NFIB: variants seen among roughly 807,000 people sequenced by gnomAD.
NFIB encodes nuclear factor 1 B-type.
A neutral mutation model predicts 61.5 loss-of-function variants in NFIB; 11 were observed. That is an observed-to-expected ratio of 0.18 (90% CI 0.11 to 0.30). The LOEUF is 0.30. Ranked by LOEUF, NFIB falls within the 10% of genes least tolerant of loss-of-function variation. The pLI is 1.00. For synonymous variants in NFIB, 260 were observed against 216.5 expected, an observed-to-expected ratio of 1.20 and a Z score of -1.76; for missense variants, 471 against 608.9, an observed-to-expected ratio of 0.77 and a Z score of 2.38.
intron 1 of NFIB, among the ~76,000 whole-genome samples, chr9:14,386,166 A>G (rs1466814050): frequency 6.6e-6 from 1 of 152,190 alleles, no homozygotes; most frequent in Non-Finnish European, 1.5e-5. Context: ...TTTTGAGTAT[A>G]TATTACATAC....
chr9:14,131,300 C>G (rs1425787984), intron 6 of NFIB, among the ~76,000 whole-genome samples: 1 of 152,052 alleles, frequency 6.6e-6, no homozygotes, highest in Non-Finnish European at 1.5e-5. Context: ...CTTAAGCATC[C>G]CTTTAAATAA....
chr9:14,112,872 G>T (rs1248383394), intron 10 of NFIB, 127 bp downstream of exon 10: 2 of 734,132 alleles, frequency 2.7e-6, no homozygotes, highest in East Asian at 2.8e-5. Context: ...TCTGGGAAAT[G>T]AAATGATCAG....
intron 5 of NFIB, among the ~76,000 whole-genome samples, chr9:14,147,456 A>C (rs2042388574): frequency 6.6e-6 from 1 of 152,038 alleles, no homozygotes; most frequent in African/African-American, 2.4e-5. Flanking sequence ...CTTATCAAAT[A>C]GTAATTCTTA....
the NFIB span, among the ~76,000 whole-genome samples, chr9:14,417,318 G>T: frequency 4.6e-5 from 7 of 152,272 alleles, no homozygotes; most frequent in Non-Finnish European, 2.9e-5. Context: ...GTACAGGTTT[G>T]CTGCCTAGGA....
At chr9:14,099,260 T>G (rs117609514) in intron 10 of NFIB, among the ~76,000 whole-genome samples, 1 of 152,190 alleles carries the variant, frequency 6.6e-6, no homozygotes, top group Non-Finnish European at 1.5e-5. Context: ...ACCTGTGATA[T>G]TTTATTTATT....
At chr9:14,422,291 T>C in the NFIB span, among the ~76,000 whole-genome samples, 7 of 152,294 alleles carry the variant, frequency 4.6e-5, no homozygotes, top group Non-Finnish European at 7.4e-5. Flanking sequence ...CTTTTACTTG[T>C]AGAACACTGA....
rs563380604 is a variant in NFIB at position 14,187,164 on chromosome 9, T to G, written c.563-7384A>C. Among the ~76,000 whole-genome samples the G allele has an allele frequency of 2.8e-3, 416 of 150,584 alleles. 3 individuals are homozygous for G. Among genetic ancestry groups the G allele is most frequent in the African/African-American group, 9.2e-3 (367 of 40,078 alleles). On this transcript the variant is annotated intron_variant, in intron 2 of 10. Transcript: ENST00000380953. Reference sequence around the variant, plus strand: ...TTAAATTATTTGGAGTCCACTTCACTGCAAAACTTAACTTAACAAGCTGTT... The same window carrying G: ...TTAAATTATTTGGAGTCCACTTCACGGCAAAACTTAACTTAACAAGCTGTT...
At chr9:14,199,431 A>G (rs879795580) in intron 2 of NFIB, among the ~76,000 whole-genome samples, 1 of 152,238 alleles carries the variant, frequency 6.6e-6, no homozygotes, top group Non-Finnish European at 1.5e-5. Context: ...TAGATGCCTG[A>G]TAAAGTTAAA....
intron 2 of NFIB, among the ~76,000 whole-genome samples, chr9:14,233,080 C>T (rs1365859179): frequency 1.3e-5 from 2 of 152,166 alleles, no homozygotes; most frequent in Non-Finnish European, 2.9e-5. Flanking sequence ...AAAACCAAGG[C>T]AAAGAACAGA....
chr9:14,423,609 T>C, the NFIB span, among the ~76,000 whole-genome samples: 1 of 152,222 alleles, frequency 6.6e-6, no homozygotes, highest in Non-Finnish European at 1.5e-5. Context: ...CTCTCATCCA[T>C]CATTGTCCTC....
At chr9:14,320,557 CTT>C (rs1395860542) in intron 1 of NFIB, among the ~76,000 whole-genome samples, 1 of 152,168 alleles carries the variant, frequency 6.6e-6, no homozygotes, top group African/African-American at 2.4e-5. Flanking sequence ...TTCACAAACT[CTT>C]TGCAGTTTTT....
At chr9:14,461,281 A>G in the NFIB span, among the ~76,000 whole-genome samples, 3 of 152,334 alleles carry the variant, frequency 2.0e-5, no homozygotes, top group Admixed American at 2.0e-4. Flanking sequence ...GAATGAATCA[A>G]TCCGTTGAAG....
the NFIB span, among the ~76,000 whole-genome samples, chr9:14,492,085 C>T: frequency 1.3e-5 from 2 of 152,060 alleles, no homozygotes; most frequent in Non-Finnish European, 2.9e-5. Flanking sequence ...AAAAGAGAGC[C>T]GAGCGCGGTG....
At chr9:14,227,852 T>C (rs1262727400) in intron 2 of NFIB, among the ~76,000 whole-genome samples, 1 of 152,198 alleles carries the variant, frequency 6.6e-6, no homozygotes, top group African/African-American at 2.4e-5. Context: ...CTTCTGAACC[T>C]CTGGAGTCTA....
chr9:14,509,345 C>T, the NFIB span, among the ~76,000 whole-genome samples: 2 of 152,330 alleles, frequency 1.3e-5, no homozygotes, highest in East Asian at 3.9e-4. Context: ...ACACTTTCCC[C>T]ACCCAAGATA....
intron 1 of NFIB, among the ~76,000 whole-genome samples, chr9:14,369,236 T>G (rs1030266442): frequency 1.3e-5 from 2 of 152,182 alleles, no homozygotes; most frequent in Non-Finnish European, 2.9e-5. Flanking sequence ...TCTGCATCAT[T>G]TCAAGCACAG....
the NFIB span, among the ~76,000 whole-genome samples, chr9:14,481,497 C>T: frequency 6.6e-6 from 1 of 151,810 alleles, no homozygotes; most frequent in Non-Finnish European, 1.5e-5. Context: ...GTGACTCACA[C>T]TCTCTCGATG....
the NFIB span, among the ~76,000 whole-genome samples, chr9:14,441,131 G>C: frequency 0.011 from 987 of 93,696 alleles, 10 homozygotes; most frequent in African/African-American, 0.033. Context: ...CTTTGAGTGG[G>C]TTCAAAAAAA....
the NFIB span, among the ~76,000 whole-genome samples, chr9:14,507,285 G>C: frequency 1.3e-5 from 2 of 152,172 alleles, no homozygotes; most frequent in East Asian, 1.9e-4. Flanking sequence ...TACATTCTTT[G>C]AGGGAGCGTG....
Sources: allele counts gnomAD v4.1 joint callset (sites outside exome capture counted in the v4.1 genomes callset), GRCh38; gene constraint gnomAD v4.1.1; transcripts MANE v1.5; gene names NCBI Gene and HGNC (gene_info 2026-07-23, HGNC 2026-07-21).